Variants in SPIRE1 observed in about 807,000 individuals in gnomAD.
SPIRE1 encodes the protein protein spire homolog 1.
SPIRE1 carries 40 observed loss-of-function variants against 94.1 expected under a neutral mutation model. The observed-to-expected ratio is 0.43, with a 90% CI of 0.33 to 0.55. The LOEUF is 0.55. Among genes scored for constraint, SPIRE1 ranks in the 20% least tolerant of loss-of-function variants. The pLI is 0.06. For missense variants in SPIRE1, 838 were observed against 975.2 expected, an observed-to-expected ratio of 0.86 and a Z score of 1.87; for synonymous variants, 376 against 371.7, an observed-to-expected ratio of 1.01 and a Z score of -0.13.
chr18:12,556,625 C>CA (rs2035515171), intron 2 of SPIRE1, among the ~76,000 whole-genome samples: 1 of 151,830 alleles, frequency 6.6e-6, no homozygotes, highest in Non-Finnish European at 1.5e-5. Flanking sequence ...AGACCTTCGC[C>CA]ATGAGTGTTA....
chr18:12,471,599 G>C lies in SPIRE1; in HGVS notation c.1405-6641C>G, dbSNP rs376232977. ...TCAGCCTCCCAGTGCTGGGATTACA[G>C]GCGTGAGCCACCATGCCCAGCCTTT... On this transcript the variant is annotated intron_variant, in intron 10 of 16. Coordinates refer to ENST00000409402, the MANE Select transcript of SPIRE1 (RefSeq NM_001128626.2). Among the ~76,000 whole-genome samples, 15 of 152,194 alleles carry C rather than the reference G, an allele frequency of 9.9e-5. No individual in the cohort carries two copies. In the East Asian group the frequency reaches 2.7e-3, roughly 27 times the overall value.
intron 1 of SPIRE1, chr18:12,652,977 T>G (rs922910232): frequency 6.6e-6 from 1 of 152,150 alleles, no homozygotes; most frequent in Admixed American, 6.5e-5. Context: ...AGAGTGACAA[T>G]GGCCTGTAGA....
At chr18:12,495,755 G>C (rs2143891672) in intron 7 of SPIRE1, among the ~76,000 whole-genome samples, 1 of 152,270 alleles carries the variant, frequency 6.6e-6, no homozygotes, top group Middle Eastern at 3.4e-3. Flanking sequence ...CCTGGGCATG[G>C]TGGTGCACAC....
intron 2 of SPIRE1, among the ~76,000 whole-genome samples, chr18:12,634,258 TAAA>T (rs71174115): frequency 0.19 from 26,065 of 140,872 alleles, 2,568 homozygotes; most frequent in Middle Eastern, 0.25. Flanking sequence ...AAAATAAAAA[TAAA>T]AAAAAAAAAA....
chr18:12,499,044 C>T (rs1181915005), intron 6 of SPIRE1, among the ~76,000 whole-genome samples: 1 of 152,180 alleles, frequency 6.6e-6, no homozygotes, highest in Non-Finnish European at 1.5e-5. Context: ...GGATTGCAGG[C>T]ATGAGCCACT....
chr18:12,469,937 T>C (rs953885224), intron 10 of SPIRE1, among the ~76,000 whole-genome samples: 1 of 151,728 alleles, frequency 6.6e-6, no homozygotes, highest in African/African-American at 2.4e-5. Flanking sequence ...AATTTTTATG[T>C]TCATTAATTA....
intron 1 of SPIRE1, among the ~76,000 whole-genome samples, chr18:12,651,768 C>T (rs1440909733): frequency 3.3e-5 from 5 of 152,304 alleles, no homozygotes; most frequent in Admixed American, 1.3e-4. Context: ...TATGCCAAGA[C>T]GATCTTCCCC....
intron 6 of SPIRE1, among the ~76,000 whole-genome samples, chr18:12,504,870 A>C (rs2033778541): frequency 6.6e-6 from 1 of 152,142 alleles, no homozygotes; most frequent in African/African-American, 2.4e-5. Context: ...GAGGGAGAGG[A>C]GAGCTCCTGA....
intron 2 of SPIRE1, among the ~76,000 whole-genome samples, chr18:12,608,020 T>A (rs1338538286): frequency 6.6e-6 from 1 of 152,022 alleles, no homozygotes; most frequent in Non-Finnish European, 1.5e-5. Context: ...TAGCCAGGCA[T>A]CATGGCCGGT....
At chr18:12,503,531 C>G (rs1194407816) in intron 6 of SPIRE1, among the ~76,000 whole-genome samples, 1 of 152,192 alleles carries the variant, frequency 6.6e-6, no homozygotes, top group Admixed American at 6.5e-5. Flanking sequence ...TCTGTTCTAT[C>G]CTCTAATGAT....
intron 10 of SPIRE1, among the ~76,000 whole-genome samples, chr18:12,471,629 TTTTC>T (rs535220402): frequency 1.1e-3 from 168 of 152,236 alleles, no homozygotes; most frequent in Middle Eastern, 3.4e-3. Context: ...GCCTTTGTTC[TTTTC>T]TTTAATTCAG....
At chr18:12,612,349 C>T (rs1482499603) in intron 2 of SPIRE1, among the ~76,000 whole-genome samples, 6 of 152,132 alleles carry the variant, frequency 3.9e-5, no homozygotes, top group Admixed American at 6.6e-5. Flanking sequence ...TTTGTGGCCA[C>T]GCCTTCTTAG....
At chr18:12,539,693 C>G (rs1185427632) in intron 3 of SPIRE1, among the ~76,000 whole-genome samples, 2 of 151,718 alleles carry the variant, frequency 1.3e-5, no homozygotes, top group African/African-American at 4.8e-5. Flanking sequence ...CTTTGGGAGG[C>G]TGAGGTGGAT....
At chr18:12,488,516 T>C (rs923679512) in intron 8 of SPIRE1, among the ~76,000 whole-genome samples, 1 of 152,128 alleles carries the variant, frequency 6.6e-6, no homozygotes, top group Non-Finnish European at 1.5e-5. Context: ...CCCAATTTAA[T>C]GGAATGTAAA....
At position 12,552,930 on chromosome 18, in the gene SPIRE1, C is replaced by G. The variant is rs74390845; in HGVS notation, c.373-6026G>C. 5.4e-3 allele frequency among the ~76,000 whole-genome samples: 823 copies of G among 152,284 alleles called. 8 individuals carry two copies. The highest frequency in any genetic ancestry group is 0.016 in the African/African-American group (652 of 41,564). ...GAACACCAGGCAGTCATGAGACCCC[C>G]ATTCCAGGCCCCAGCTAATGGATTT... On this transcript the variant is annotated intron_variant, in intron 2 of 16. Coordinates refer to ENST00000409402, the MANE Select transcript of SPIRE1 (RefSeq NM_001128626.2).
chr18:12,575,736 T>G (rs1377833754), intron 2 of SPIRE1, among the ~76,000 whole-genome samples: 2 of 152,234 alleles, frequency 1.3e-5, no homozygotes, highest in Non-Finnish European at 2.9e-5. Flanking sequence ...ATCCTAACAC[T>G]GAAAACTATA....
chr18:12,634,664 G>GT (rs1364433905), intron 2 of SPIRE1, among the ~76,000 whole-genome samples: 1 of 152,108 alleles, frequency 6.6e-6, no homozygotes, highest in Non-Finnish European at 1.5e-5. Flanking sequence ...GCCAGGTGCG[G>GT]TGACTCATGC....
intron 2 of SPIRE1, among the ~76,000 whole-genome samples, chr18:12,614,681 G>A (rs1016075782): frequency 1.3e-5 from 2 of 152,064 alleles, no homozygotes; most frequent in Non-Finnish European, 2.9e-5. Context: ...AGCCGGGCAC[G>A]GTCACGGGCG....
intron 5 of SPIRE1, among the ~76,000 whole-genome samples, chr18:12,511,875 C>A (rs72877252): frequency 0.12 from 18,325 of 151,808 alleles, 1,390 homozygotes; most frequent in East Asian, 0.32. Flanking sequence ...CAGGCACATG[C>A]CACCAGCCCG....
Sources: gnomAD v4.1 joint callset for allele counts (sites outside exome capture counted in the v4.1 genomes callset) on GRCh38, gnomAD v4.1.1 for gene constraint, MANE v1.5 for transcripts, NCBI Gene and HGNC (gene_info 2026-07-23, HGNC 2026-07-21) for gene names.